ZNF710: variants seen among roughly 807,000 people sequenced by gnomAD.
The protein encoded by ZNF710 is zinc finger protein 710.
Under a neutral mutation model 50.6 loss-of-function variants are expected in ZNF710, and 13 were observed. The observed-to-expected ratio is 0.26, with a 90% CI of 0.17 to 0.41. The LOEUF (loss-of-function observed/expected upper bound fraction) is 0.41, where lower values mean the gene tolerates loss of function less well. ZNF710 is among the 10% of genes least tolerant of loss of function. ZNF710 has a pLI of 1.00. For missense variants in ZNF710, 721 were observed against 936.6 expected, an observed-to-expected ratio of 0.77 and a Z score of 3.01; for synonymous variants, 383 against 397.0, an observed-to-expected ratio of 0.96 and a Z score of 0.42.
chr15:90,069,852 G>A (rs754562726), intron 2 of ZNF710, among the ~76,000 whole-genome samples: 16 of 152,036 alleles, frequency 1.1e-4, no homozygotes, highest in Admixed American at 2.0e-4. Context: ...CAGCCTCCCC[G>A]CTTTTCAGCC....
chr15:90,052,611 T>G (rs1899679911), intron 1 of ZNF710, among the ~76,000 whole-genome samples: 2 of 152,218 alleles, frequency 1.3e-5, no homozygotes. Flanking sequence ...AGACTCAGTT[T>G]GCTCATCTGT....
At chr15:90,029,450 T>G (rs1441871171) in intron 1 of ZNF710, among the ~76,000 whole-genome samples, 2 of 152,068 alleles carry the variant, frequency 1.3e-5, no homozygotes, top group African/African-American at 2.4e-5. Context: ...GGGAATGGAT[T>G]TTATGTCATT....
intron 1 of ZNF710, among the ~76,000 whole-genome samples, chr15:90,041,129 A>G (rs1026954139): frequency 1.3e-5 from 2 of 151,650 alleles, no homozygotes; most frequent in African/African-American, 4.8e-5. Context: ...TGGTTCACTG[A>G]TCAATTCTGT....
chr15:90,003,656 G>T (rs77059134), intron 1 of ZNF710, among the ~76,000 whole-genome samples: 1 of 152,246 alleles, frequency 6.6e-6, no homozygotes, highest in East Asian at 1.9e-4. Flanking sequence ...GGGCTATCTG[G>T]TTTTGACTTC....
intron 1 of ZNF710, among the ~76,000 whole-genome samples, chr15:90,041,139 T>G (rs114984568): frequency 6.7e-6 from 1 of 149,328 alleles, no homozygotes; most frequent in Non-Finnish European, 1.5e-5. Context: ...ATCAATTCTG[T>G]TTTTTTTTTC....
intron 1 of ZNF710, chr15:90,025,053 A>G (rs1471568611): frequency 2.0e-5 from 3 of 152,186 alleles, no homozygotes; most frequent in Non-Finnish European, 2.9e-5. Context: ...TGTTTTTCAT[A>G]TACCTGTCTT....
chr15:90,022,627 G>GC (rs1327763603), intron 1 of ZNF710, among the ~76,000 whole-genome samples: 1 of 152,222 alleles, frequency 6.6e-6, no homozygotes, highest in African/African-American at 2.4e-5. Flanking sequence ...GAGACTTGGG[G>GC]CTTGTGTTGT....
chr15:90,017,554 A>G (rs568875103), intron 1 of ZNF710, among the ~76,000 whole-genome samples: 15 of 152,082 alleles, frequency 9.9e-5, no homozygotes, highest in East Asian at 9.7e-4. Context: ...TCTCGGGGGT[A>G]GGAAGTTTTC....
At chr15:90,049,365 G>A (rs553241296) in intron 1 of ZNF710, among the ~76,000 whole-genome samples, 7 of 152,276 alleles carry the variant, frequency 4.6e-5, no homozygotes, top group East Asian at 1.9e-4. Flanking sequence ...TGGCCTGGCC[G>A]GAGGGGCCTC....
chr15:90,045,037 C>T (rs1020924947), intron 1 of ZNF710, among the ~76,000 whole-genome samples: 2 of 152,178 alleles, frequency 1.3e-5, no homozygotes, highest in Admixed American at 6.5e-5. Context: ...ACACAACCTA[C>T]AAAACCTTGC....
intron 4 of ZNF710, chr15:90,074,572 C>G (rs1367266010): frequency 5.3e-6 from 7 of 1,322,248 alleles, no homozygotes; most frequent in African/African-American, 3.0e-5. Flanking sequence ...TTTATTAACT[C>G]ATGTGATCCT....
intron 1 of ZNF710, among the ~76,000 whole-genome samples, chr15:90,045,825 C>T (rs1899442490): frequency 6.6e-6 from 1 of 152,094 alleles, no homozygotes; most frequent in African/African-American, 2.4e-5. Flanking sequence ...AAGCTTTGAG[C>T]TGGAGGCCAG....
At position 90,077,167 on chromosome 15, in the gene ZNF710, C is replaced by T. The variant is rs569734088; in HGVS notation, c.1826-2493C>T. 2.1e-4 allele frequency among the ~76,000 whole-genome samples: 32 copies of T among 150,668 alleles called. 1 individual carries two copies. The South Asian group carries it at 2.9e-3, about 14-fold the overall frequency. Reference sequence around the variant, plus strand: ...AGACTATTCTCTGGGGCCCACAGGACGGGACCATAGACTTAATAAACAAAA... The same window carrying T: ...AGACTATTCTCTGGGGCCCACAGGATGGGACCATAGACTTAATAAACAAAA... On this transcript the variant is annotated intron_variant, in intron 4 of 4. Transcript: ENST00000268154.
intron 1 of ZNF710, among the ~76,000 whole-genome samples, chr15:90,049,426 C>T (rs1899569273): frequency 6.6e-6 from 1 of 152,218 alleles, no homozygotes; most frequent in Admixed American, 6.5e-5. Flanking sequence ...ACCCTCACAC[C>T]ACTAGTCACA....
intron 1 of ZNF710, among the ~76,000 whole-genome samples, chr15:90,058,728 T>TATGTACATGTAC (rs1555458604): frequency 4.8e-5 from 7 of 145,934 alleles, no homozygotes; most frequent in African/African-American, 1.9e-4. Flanking sequence ...TACACACATA[T>TATGTACATGTAC]ACACACACAC....
chr15:90,067,906 G>T lies in ZNF710; in HGVS notation c.769G>T (p.Asp257Tyr). ...VWQEASEFEA[D>Y]TAGSTVERHK... is the part of the protein sequence containing the mutation. Reference sequence around the variant, plus strand: ...GCAGGAGGCCAGTGAGTTCGAGGCTGACACGGCGGGTTCGACCGTGGAACG... The same window carrying T: ...GCAGGAGGCCAGTGAGTTCGAGGCTTACACGGCGGGTTCGACCGTGGAACG... The change falls in exon 2 of 5, where the codon GAC becomes TAC. Residue 257 changes from aspartate (D) to tyrosine (Y), a missense_variant. This residue lies in a region of ZNF710 where 326 missense variants were observed against 522.0 expected (regional missense o/e 0.62). Coordinates refer to ENST00000268154, the MANE Select transcript of ZNF710 (RefSeq NM_198526.4). The surrounding 1 kb of genome is among the most constrained non-coding windows in gnomAD (Gnocchi z 8.1). 1 of 1,608,174 alleles carries T rather than the reference G, an allele frequency of 6.2e-7. No homozygotes were observed. The highest frequency in any genetic ancestry group is 8.5e-7 in the Non-Finnish European group (1 of 1,176,790).
Position 90,069,365 on chromosome 15 carries a change from G to C in ZNF710, c.1458+770G>C, listed in dbSNP as rs112245005. 6.7e-3 allele frequency among the ~76,000 whole-genome samples: 1,017 copies of C among 151,594 alleles called. 8 individuals are homozygous for C. The highest frequency in any genetic ancestry group is 0.013 in the Non-Finnish European group (852 of 67,918). ...TGAGGTTGCAGTGAGCTGAAATCAC[G>C]ATACTGCACTTCAGCCTGGGCAACC... On this transcript the variant is annotated intron_variant, in intron 2 of 4. Coordinates refer to ENST00000268154, the MANE Select transcript of ZNF710 (RefSeq NM_198526.4).
chr15:90,031,744 C>T (rs1486844935), intron 1 of ZNF710, among the ~76,000 whole-genome samples: 1 of 152,196 alleles, frequency 6.6e-6, no homozygotes, highest in Non-Finnish European at 1.5e-5. Flanking sequence ...TGTTAAAATG[C>T]AGTTGCCTGG....
intron 1 of ZNF710, among the ~76,000 whole-genome samples, chr15:90,016,582 C>T (rs775507343): frequency 6.6e-6 from 1 of 152,190 alleles, no homozygotes; most frequent in Non-Finnish European, 1.5e-5. Context: ...GCTGGGACTA[C>T]AGGCATGTAC....
Sources: gnomAD v4.1 joint callset for allele counts (sites outside exome capture counted in the v4.1 genomes callset) on GRCh38, gnomAD v4.1.1 for gene constraint, gnomAD v4.1.1 regional missense constraint, Gnocchi (gnomAD v3.1) non-coding constraint, MANE v1.5 for transcripts, NCBI Gene and HGNC (gene_info 2026-07-23, HGNC 2026-07-21) for gene names.